RICTOR: variants seen among roughly 807,000 people sequenced by gnomAD.
RICTOR encodes RPTOR independent companion of MTOR complex 2, also known as rapamycin-insensitive companion of mTOR.
In RICTOR, 49 loss-of-function variants were observed where a neutral mutation model predicts 214.9. The ratio of observed to expected loss-of-function variants is 0.23; its 90% CI spans 0.18 to 0.29. The LOEUF (loss-of-function observed/expected upper bound fraction) is 0.29, where lower values mean the gene tolerates loss of function less well. Ranked by LOEUF, RICTOR falls within the 10% of genes least tolerant of loss-of-function variation. The probability of loss-of-function intolerance (pLI) is 1.00; values close to 1 mark genes in which losing one functional copy is unlikely to be tolerated. For synonymous variants in RICTOR, 717 were observed against 711.3 expected, an observed-to-expected ratio of 1.01 and a Z score of -0.13; for missense variants, 1,625 against 2,047.0, an observed-to-expected ratio of 0.79 and a Z score of 3.98.
chr5:39,043,673 C>T (rs960361860), intron 2 of RICTOR, among the ~76,000 whole-genome samples: 4 of 152,098 alleles, frequency 2.6e-5, no homozygotes, highest in Non-Finnish European at 4.4e-5. Context: ...CTGAATGTCC[C>T]CTCCAAAGCT....
chr5:39,070,693 T>C (rs74947356), intron 2 of RICTOR, among the ~76,000 whole-genome samples: 4,774 of 152,294 alleles, frequency 0.031, 128 homozygotes, highest in South Asian at 0.082. Context: ...GGAATTCACT[T>C]TGAACACAAT....
intron 5 of RICTOR, among the ~76,000 whole-genome samples, chr5:38,998,543 AAAAC>A (rs1270273900): frequency 2.0e-5 from 3 of 152,220 alleles, no homozygotes; most frequent in Non-Finnish European, 2.9e-5. Flanking sequence ...GGCACGGTTT[AAAAC>A]AAACAAAGGA....
At chr5:39,003,717 T>C in intron 3 of RICTOR, 95 bp from the exon 4 acceptor site, 1 of 653,894 alleles carries the variant, frequency 1.5e-6, no homozygotes, top group Non-Finnish European at 2.5e-6. Context: ...AAGGTATTTT[T>C]ATGGAATAAT....
chr5:38,977,142 C>T (rs987741222), intron 9 of RICTOR, among the ~76,000 whole-genome samples: 2 of 152,136 alleles, frequency 1.3e-5, no homozygotes, highest in African/African-American at 4.8e-5. Context: ...ATGTGGGAGG[C>T]CTCTAGAAGG....
At chr5:38,975,992 AT>A (rs1459057016) in intron 9 of RICTOR, among the ~76,000 whole-genome samples, 1 of 152,210 alleles carries the variant, frequency 6.6e-6, no homozygotes, top group Admixed American at 6.5e-5. Context: ...TTACTTCACA[AT>A]CTTTGCTCTA....
At chr5:38,990,605 T>TATCA (rs1390350852) in intron 7 of RICTOR, among the ~76,000 whole-genome samples, 1 of 112,772 alleles carries the variant, frequency 8.9e-6, no homozygotes, top group African/African-American at 3.6e-5. Flanking sequence ...ACGATATATA[T>TATCA]GATATATATA....
chr5:38,996,794 T>G, intron 6 of RICTOR, 25 bp downstream of exon 6: 2 of 1,501,292 alleles, frequency 1.3e-6, no homozygotes, highest in Non-Finnish European at 9.1e-7. Flanking sequence ...TAAATTTGCC[T>G]TTTACTCTCA....
At chr5:39,069,547 T>C (rs1374627925) in intron 2 of RICTOR, among the ~76,000 whole-genome samples, 1 of 152,194 alleles carries the variant, frequency 6.6e-6, no homozygotes, top group East Asian at 1.9e-4. Flanking sequence ...GGGCAGACAA[T>C]TGAGGAATTC....
chr5:38,942,737 T>C, intron 37 of RICTOR, 96 bp downstream of exon 37: 1 of 990,772 alleles, frequency 1.0e-6, no homozygotes, highest in African/African-American at 1.6e-5. Context: ...ATTGTAGGCA[T>C]GAGTCACCAC....
chr5:38,957,936 A>G (rs1749422743), intron 24 of RICTOR, among the ~76,000 whole-genome samples: 1 of 152,104 alleles, frequency 6.6e-6, no homozygotes, highest in Admixed American at 6.6e-5. Flanking sequence ...CGCGAACCCA[A>G]TCACAATAAA....
At chr5:39,055,298 G>A (rs1298858726) in intron 2 of RICTOR, among the ~76,000 whole-genome samples, 3 of 151,612 alleles carry the variant, frequency 2.0e-5, no homozygotes, top group South Asian at 2.1e-4. Flanking sequence ...TTCCTGTCTC[G>A]TTGATAGTCA....
chr5:38,940,083 A>C lies in RICTOR; in HGVS notation c.*2221T>G. 4.6e-6 allele frequency: 1 copy of C among 217,470 alleles called. No individual in the cohort carries two copies. Among genetic ancestry groups the C allele is most frequent in the Non-Finnish European group, 9.1e-6 (1 of 109,706 alleles). 13.5% of individuals were successfully genotyped at this position (217,470 alleles called of 1,614,324 possible). A position where few individuals can be genotyped will look rare whatever the true frequency, so the allele number is the denominator to read the frequency against. On this transcript the variant is annotated 3_prime_UTR_variant, in exon 38 of 38. Transcript: ENST00000357387. ...TGAGTATCTCCCCAAAGTAAGTGAT[A>C]TAGGCAGATATGATAAGGTATACAT... is the stretch of plus-strand genomic sequence containing the variant.
chr5:38,971,193 AC>A (rs1278621563), intron 11 of RICTOR: 1 of 151,430 alleles, frequency 6.6e-6, no homozygotes, highest in Non-Finnish European at 1.5e-5. Context: ...TGCCTGGCTA[AC>A]TTTTTGTATT....
At chr5:39,053,092 A>AT (rs1757961435) in intron 2 of RICTOR, among the ~76,000 whole-genome samples, 1 of 152,240 alleles carries the variant, frequency 6.6e-6, no homozygotes, top group Non-Finnish European at 1.5e-5. Context: ...TAAATAAGAC[A>AT]AATCACTAGC....
intron 16 of RICTOR, among the ~76,000 whole-genome samples, chr5:38,964,088 CA>C (rs567519608): frequency 6.6e-6 from 1 of 151,102 alleles, no homozygotes; most frequent in South Asian, 2.1e-4. Flanking sequence ...TAACATCAAG[CA>C]AAAAAATAAA....
intron 15 of RICTOR, 106 bp downstream of exon 15, chr5:38,966,535 C>G: frequency 4.5e-6 from 3 of 671,118 alleles, no homozygotes; most frequent in Non-Finnish European, 5.2e-6. Context: ...ATAAGAAATG[C>G]AAATTTATTT....
Position 38,986,194 on chromosome 5 carries a change from A to T in RICTOR, c.584-4158T>A, listed in dbSNP as rs139954352. On this transcript the variant is annotated intron_variant, in intron 7 of 37. Transcript: ENST00000357387. Reference sequence around the variant, plus strand: ...GTTCTCGTGATAGTGAATCTCATGAAATCTGAAGGTTTAAAAGTGACACTT... The same window carrying T: ...GTTCTCGTGATAGTGAATCTCATGATATCTGAAGGTTTAAAAGTGACACTT... Among the ~76,000 whole-genome samples the T allele has an allele frequency of 1.9e-3, 291 of 152,142 alleles. 1 individual carries two copies. The highest frequency in any genetic ancestry group is 0.01 in the Middle Eastern group (3 of 292).
intron 6 of RICTOR, among the ~76,000 whole-genome samples, chr5:38,995,388 T>C (rs1311473739): frequency 1.3e-5 from 2 of 152,058 alleles, no homozygotes; most frequent in Non-Finnish European, 2.9e-5. Context: ...ATATGAATGA[T>C]ATAATTAACT....
At chr5:38,966,351 A>C (rs1013952222) in intron 15 of RICTOR, among the ~76,000 whole-genome samples, 1 of 152,208 alleles carries the variant, frequency 6.6e-6, no homozygotes, top group Non-Finnish European at 1.5e-5. Flanking sequence ...ACAGGACGAA[A>C]ATGTCAACTT....
Sources: allele counts gnomAD v4.1 joint callset (sites outside exome capture counted in the v4.1 genomes callset), GRCh38; gene constraint gnomAD v4.1.1; transcripts MANE v1.5; gene names NCBI Gene and HGNC (gene_info 2026-07-23, HGNC 2026-07-21).